Variants in RGS7 observed in about 807,000 individuals in gnomAD.
The protein encoded by RGS7 is regulator of G-protein signaling 7.
Under a neutral mutation model 81.1 loss-of-function variants are expected in RGS7, and 27 were observed. That is an observed-to-expected ratio of 0.33 (90% CI 0.25 to 0.46). The LOEUF is 0.46. Among genes scored for constraint, RGS7 ranks in the 20% least tolerant of loss-of-function variants. The pLI, the probability that RGS7 is intolerant of heterozygous loss-of-function variation, is 1.00. For missense variants in RGS7, 396 were observed against 607.4 expected, an observed-to-expected ratio of 0.65 and a Z score of 3.66; for synonymous variants, 208 against 207.7, an observed-to-expected ratio of 1.00 and a Z score of -0.01.
At chr1:241,204,587 AC>A (rs2073752693) in intron 2 of RGS7, among the ~76,000 whole-genome samples, 1 of 152,220 alleles carries the variant, frequency 6.6e-6, no homozygotes. Context: ...ATGTTTAAAA[AC>A]AAAAGAATTA....
chr1:241,091,582 TA>T (rs2148931203), intron 3 of RGS7, among the ~76,000 whole-genome samples: 1 of 145,430 alleles, frequency 6.9e-6, no homozygotes, highest in East Asian at 2.1e-4. Context: ...AATAAATAAA[TA>T]AATAAATAAA....
intron 6 of RGS7, among the ~76,000 whole-genome samples, chr1:240,924,408 A>G (rs422256): frequency 0.65 from 98,472 of 151,932 alleles, 32,766 homozygotes; most frequent in African/African-American, 0.81. Context: ...CAGGCCTTCC[A>G]TTGAACATTT....
At chr1:240,794,691 A>G (rs990987530) in intron 18 of RGS7, among the ~76,000 whole-genome samples, 1 of 152,178 alleles carries the variant, frequency 6.6e-6, no homozygotes, top group Non-Finnish European at 1.5e-5. Context: ...GGGACTGCCC[A>G]AGTAGATTTG....
At chr1:241,293,568 A>C (rs937525620) in intron 2 of RGS7, among the ~76,000 whole-genome samples, 4 of 152,204 alleles carry the variant, frequency 2.6e-5, no homozygotes, top group Admixed American at 6.5e-5. Flanking sequence ...TTTGTGTCTT[A>C]GTTTTTAATA....
chr1:241,053,845 G>A (rs73125549), intron 3 of RGS7, among the ~76,000 whole-genome samples: 2,964 of 152,180 alleles, frequency 0.019, 99 homozygotes, highest in African/African-American at 0.067. Context: ...TTTTCTTTTT[G>A]CTTCGTTCTC....
Position 241,137,899 on chromosome 1 carries a change from C to T in RGS7, c.79-39137G>A, listed in dbSNP as rs986121072. 3.3e-5 allele frequency among the ~76,000 whole-genome samples: 5 copies of T among 152,164 alleles called. 1 individual carries two copies. The highest frequency in any genetic ancestry group is 4.1e-4 in the South Asian group (2 of 4,820). The stretch of plus-strand genomic sequence containing the variant: ...AAATTAGGGAATAATGGCCGGGCAC[C>T]GTGGCTCACGCCTGTAATCCCAGCA... On this transcript the variant is annotated intron_variant, in intron 2 of 18. Coordinates refer to ENST00000440928, the MANE Select transcript of RGS7 (RefSeq NM_001364886.1).
At chr1:241,043,675 CTATA>C (rs2060753506) in intron 3 of RGS7, among the ~76,000 whole-genome samples, 1 of 146,436 alleles carries the variant, frequency 6.8e-6, no homozygotes, top group Non-Finnish European at 1.5e-5. Flanking sequence ...TATGTTATAT[CTATA>C]TATAGATATG....
intron 2 of RGS7, among the ~76,000 whole-genome samples, chr1:241,119,414 C>T (rs2066091018): frequency 6.6e-6 from 1 of 152,180 alleles, no homozygotes; most frequent in African/African-American, 2.4e-5. Context: ...GAATGATACT[C>T]TTCTCTGCTA....
At chr1:240,783,462 A>T (rs1160226746) in intron 18 of RGS7, among the ~76,000 whole-genome samples, 5 of 134,790 alleles carry the variant, frequency 3.7e-5, no homozygotes, top group South Asian at 2.5e-4. Flanking sequence ...TCTCTACTTT[A>T]AAAAAAAAAA....
At chr1:241,221,194 AAG>A (rs1558204650) in intron 2 of RGS7, among the ~76,000 whole-genome samples, 4 of 151,932 alleles carry the variant, frequency 2.6e-5, no homozygotes, top group African/African-American at 7.3e-5. Flanking sequence ...GAGAGAAAGA[AAG>A]AGAAAGAAAG....
intron 2 of RGS7, among the ~76,000 whole-genome samples, chr1:241,266,271 A>T (rs1387159703): frequency 6.6e-6 from 1 of 152,150 alleles, no homozygotes; most frequent in Non-Finnish European, 1.5e-5. Flanking sequence ...TTAACACCAA[A>T]TTTTCAAGAC....
At chr1:241,055,489 T>C (rs778135766) in intron 3 of RGS7, among the ~76,000 whole-genome samples, 17 of 151,976 alleles carry the variant, frequency 1.1e-4, no homozygotes, top group African/African-American at 2.2e-4. Flanking sequence ...ATGCATAGGG[T>C]GACACAGAAT....
chr1:241,167,077 AAC>A (rs1474935984), intron 2 of RGS7, among the ~76,000 whole-genome samples: 1 of 152,198 alleles, frequency 6.6e-6, no homozygotes, highest in Non-Finnish European at 1.5e-5. Context: ...GGGCATGGAT[AAC>A]CTGTCTTTTA....
rs1225463154 is a variant in RGS7, at chr1:241,164,231, C to T, written c.79-65469G>A. ...GAATGGCTCCACCCTCCAGGAACTG[C>T]CACATGTTCAGCTATCCAGAAGCTC... On this transcript the variant is annotated intron_variant, in intron 2 of 18. Transcript: ENST00000440928. This position sits in a 1 kb window ranked among gnomAD's most constrained non-coding sequence, Gnocchi z 4.1. Among the ~76,000 whole-genome samples, 1 of 151,160 alleles carries T rather than the reference C, an allele frequency of 6.6e-6. No individual in the cohort carries two copies. The highest frequency in any genetic ancestry group is 2.4e-5 in the African/African-American group (1 of 41,108).
chr1:241,143,786 A>G (rs1337770334), intron 2 of RGS7, among the ~76,000 whole-genome samples: 2 of 152,198 alleles, frequency 1.3e-5, no homozygotes, highest in Non-Finnish European at 2.9e-5. Flanking sequence ...TGAAATCACC[A>G]CTGTATTTAG....
chr1:241,044,600 A>ATT (rs770183617), intron 3 of RGS7, among the ~76,000 whole-genome samples: 4,821 of 149,846 alleles, frequency 0.032, 71 homozygotes, highest in Middle Eastern at 0.042. Context: ...TTTAAAATTT[A>ATT]TTTATTTTTT....
At chr1:240,864,449 CA>C (rs1370065281) in intron 9 of RGS7, among the ~76,000 whole-genome samples, 2 of 152,082 alleles carry the variant, frequency 1.3e-5, no homozygotes, top group Non-Finnish European at 2.9e-5. Flanking sequence ...CCAAACAGTT[CA>C]AAAAGTTTCA....
At chr1:240,799,118 C>A (rs1007504870) in intron 18 of RGS7, among the ~76,000 whole-genome samples, 6 of 152,048 alleles carry the variant, frequency 3.9e-5, no homozygotes, top group African/African-American at 1.4e-4. Flanking sequence ...ATTCAGAGAA[C>A]CTTTTAATTT....
intron 9 of RGS7, among the ~76,000 whole-genome samples, chr1:240,847,603 C>T (rs1270918546): frequency 6.6e-6 from 1 of 152,126 alleles, no homozygotes; most frequent in Non-Finnish European, 1.5e-5. Context: ...GCATTTAGCT[C>T]TTGACACAAT....
Sources: gnomAD v4.1 joint callset for allele counts (sites outside exome capture counted in the v4.1 genomes callset) on GRCh38, gnomAD v4.1.1 for gene constraint, Gnocchi (gnomAD v3.1) non-coding constraint, MANE v1.5 for transcripts, NCBI Gene and HGNC (gene_info 2026-07-23, HGNC 2026-07-21) for gene names.